AMTN: variants seen among roughly 807,000 people sequenced by gnomAD.
The protein encoded by AMTN is amelotin.
In AMTN, 29 loss-of-function variants were observed where a neutral mutation model predicts 27.4. That is an observed-to-expected ratio of 1.06 (90% CI 0.79 to 1.44). The LOEUF is 1.44. Among genes scored for constraint, AMTN ranks in the 40% most tolerant of loss-of-function variants. AMTN has a pLI of 0.00. For missense variants in AMTN, 247 were observed against 248.8 expected, an observed-to-expected ratio of 0.99 and a Z score of 0.05; for synonymous variants, 86 against 95.7, an observed-to-expected ratio of 0.90 and a Z score of 0.59.
rs1426397043 is a variant in AMTN, at chr4:70,531,305, A to G, written c.619+5A>G. 1.2e-6 allele frequency: 2 copies of G among 1,613,504 alleles called. No homozygotes were observed. The highest frequency in any genetic ancestry group is 4.5e-5 in the East Asian group (2 of 44,852). On this transcript the variant is annotated splice_donor_5th_base_variant and intron_variant, in intron 8 of 8. Coordinates refer to ENST00000339336, the MANE Select transcript of AMTN (RefSeq NM_212557.4). ...CCACCACAGAATCAGCAAATGGTAA[A>G]TTCTCCTAGCTTGGAACATGCTTCT...
chr4:70,529,695 G>A (rs1736174686), intron 7 of AMTN, among the ~76,000 whole-genome samples: 1 of 152,070 alleles, frequency 6.6e-6, no homozygotes. Flanking sequence ...CCTAAATATA[G>A]TTCATATCAC....
rs1485359099 is a variant in AMTN, at chr4:70,531,270, A to G, written c.589A>G (p.Ile197Val). ...AGGCATCCAAAGGAGCACACATGCCATCGAGGAAGCCACCACAGAATCAGC... is the reference window on the plus strand; with the variant it reads ...AGGCATCCAAAGGAGCACACATGCCGTCGAGGAAGCCACCACAGAATCAGC... Reference protein sequence around the residue: ...PAGIQRSTHAIEEATTESANG... With the variant: ...PAGIQRSTHAVEEATTESANG... Residue 197 changes from isoleucine (I) to valine (V), a missense_variant, in exon 8 of 9, where the codon ATC (isoleucine) becomes GTC (valine). Ile to Val is a conservative substitution (Grantham distance 29). Transcript: ENST00000339336. The G allele has an allele frequency of 6.8e-6, 11 of 1,613,856 alleles. No homozygotes were observed. The Middle Eastern group carries it at 6.6e-4, about 97-fold the overall frequency.
chr4:70,528,713 A>AT lies in AMTN; in HGVS notation c.295-4dup. On this transcript the variant is annotated splice_polypyrimidine_tract_variant and intron_variant, in intron 5 of 8. Transcript: ENST00000339336. The stretch of plus-strand genomic sequence containing the variant: ...TTACTTTTGAAAGAGTTTTTCTCTC[A>AT]TTTTTTCAGGTGTTACCAATTTTTG... 2 of 1,607,286 alleles carry AT rather than the reference A, an allele frequency of 1.2e-6. No individual in the cohort carries two copies. Among genetic ancestry groups the AT allele is most frequent in the South Asian group, 1.1e-5 (1 of 90,156 alleles).
chr4:70,522,641 T>C (rs1187700893), intron 2 of AMTN, 114 bp from the exon 3 acceptor site: 1 of 1,009,362 alleles, frequency 9.9e-7, no homozygotes, highest in Non-Finnish European at 1.5e-6. Flanking sequence ...TCCTCTAAAA[T>C]ACACAAAGCC....
chr4:70,532,415 C>T (rs1256152667), intron 8 of AMTN, 40 bp from the exon 9 acceptor site: 2 of 1,514,138 alleles, frequency 1.3e-6, no homozygotes, highest in Non-Finnish European at 9.1e-7. Flanking sequence ...GTTAAATATA[C>T]TTTTTACCTA....
chr4:70,531,760 C>T (rs1014258037), intron 8 of AMTN, among the ~76,000 whole-genome samples: 4 of 152,184 alleles, frequency 2.6e-5, no homozygotes, highest in African/African-American at 9.6e-5. Flanking sequence ...GATGCACCCA[C>T]CTCGGCCTCC....
intron 3 of AMTN, 32 bp downstream of exon 3, chr4:70,522,870 A>G (rs1736011857): frequency 6.3e-7 from 1 of 1,596,276 alleles, no homozygotes; most frequent in Non-Finnish European, 8.6e-7. Context: ...ACATGTACAA[A>G]CCGGTAAAGA....
Position 70,522,852 on chromosome 4 carries a change from A to G in AMTN, c.138+14A>G, listed in dbSNP as rs1194568332. ...CAGTCAAATCAGGTAAGAGTCCTAC[A>G]ATATGGAACATGTACAAACCGGTAA... On this transcript the variant is annotated intron_variant, in intron 3 of 8. Coordinates refer to ENST00000339336, the MANE Select transcript of AMTN (RefSeq NM_212557.4). 1.9e-6 allele frequency: 3 copies of G among 1,610,662 alleles called. No homozygotes were observed. The highest frequency in any genetic ancestry group is 2.5e-6 in the Non-Finnish European group (3 of 1,177,024).
At position 70,518,633 on chromosome 4, in the gene AMTN, A is replaced by C. The variant is rs934425235; in HGVS notation, c.-37A>C. ...ACCAACTGGACCTTGAGTATTGTAC[A>C]TTTTGCCTCGTGGACCCAAAGGTAA... On this transcript the variant is annotated 5_prime_UTR_variant, in exon 1 of 9. Coordinates refer to ENST00000339336, the MANE Select transcript of AMTN (RefSeq NM_212557.4). 3 of 656,730 alleles carry C rather than the reference A, an allele frequency of 4.6e-6. No individual in the cohort carries two copies. Among genetic ancestry groups the C allele is most frequent in the Admixed American group, 2.7e-5 (1 of 37,706 alleles). The allele number at this position is 656,730 out of a possible 1,614,324, so 40.7% of individuals were successfully genotyped here. A position where few individuals can be genotyped will look rare whatever the true frequency, so the allele number is the denominator to read the frequency against.
intron 4 of AMTN, among the ~76,000 whole-genome samples, chr4:70,524,162 C>T (rs979614106): frequency 1.3e-5 from 2 of 152,060 alleles, no homozygotes; most frequent in African/African-American, 2.4e-5. Flanking sequence ...CTAATTCTTT[C>T]CTTCTCCAGT....
chr4:70,532,392 A>G, intron 8 of AMTN, 63 bp from the exon 9 acceptor site: 1 of 1,357,764 alleles, frequency 7.4e-7, no homozygotes, highest in Non-Finnish European at 1.0e-6. Flanking sequence ...GATCTCAAGT[A>G]AAAGATATTT....
chr4:70,526,006 C>T (rs1007627728), intron 5 of AMTN, among the ~76,000 whole-genome samples: 2 of 152,128 alleles, frequency 1.3e-5, no homozygotes, highest in African/African-American at 4.8e-5. Context: ...CATGTGACCT[C>T]GGCCCCCATT....
chr4:70,521,207 C>T (rs557976844), intron 2 of AMTN, among the ~76,000 whole-genome samples: 38 of 151,968 alleles, frequency 2.5e-4, no homozygotes, highest in African/African-American at 6.3e-4. Flanking sequence ...GGTGAAACAC[C>T]GTCCCTACTA....
chr4:70,532,743 ACT>A (rs1436401659), downstream of AMTN: 1 of 321,138 alleles, frequency 3.1e-6, no homozygotes, highest in East Asian at 5.2e-5. Flanking sequence ...TGGAAAACTG[ACT>A]CTTTTTCTTC....
At chr4:70,520,560 C>A (rs28517431) in intron 2 of AMTN, among the ~76,000 whole-genome samples, 67,808 of 152,068 alleles carry the variant, frequency 0.45, 15,896 homozygotes, top group Admixed American at 0.52. Context: ...CCTTCAACAA[C>A]TATTTATTGA....
At chr4:70,523,792 T>G in intron 3 of AMTN, 76 bp from the exon 4 acceptor site, 6 of 1,279,654 alleles carry the variant, frequency 4.7e-6, no homozygotes, top group Non-Finnish European at 6.8e-6. Context: ...GTCAATTACA[T>G]GAGGATATCC....
chr4:70,527,622 C>A (rs1736127438), intron 5 of AMTN, among the ~76,000 whole-genome samples: 1 of 152,086 alleles, frequency 6.6e-6, no homozygotes, highest in Admixed American at 6.6e-5. Flanking sequence ...TCTTGGGAAA[C>A]AATAGTTAAC....
At chr4:70,531,962 ATTT>A (rs1736235158) in intron 8 of AMTN, among the ~76,000 whole-genome samples, 1 of 152,224 alleles carries the variant, frequency 6.6e-6, no homozygotes, top group South Asian at 2.1e-4. Context: ...GGCCTGAAAG[ATTT>A]TTAATTGTTG....
intron 5 of AMTN, among the ~76,000 whole-genome samples, chr4:70,526,977 C>T (rs970879724): frequency 6.6e-6 from 1 of 152,196 alleles, no homozygotes; most frequent in Non-Finnish European, 1.5e-5. Flanking sequence ...TGGACACCTA[C>T]TGGTGGCTCG....
Sources: gnomAD v4.1 joint callset for allele counts (sites outside exome capture counted in the v4.1 genomes callset) on GRCh38, gnomAD v4.1.1 for gene constraint, MANE v1.5 for transcripts, NCBI Gene and HGNC (gene_info 2026-07-23, HGNC 2026-07-21) for gene names.